CREB5: variants seen among roughly 807,000 people sequenced by gnomAD.
CREB5 encodes the protein cAMP responsive element binding protein 5, also known as cyclic AMP-responsive element-binding protein 5.
CREB5 carries 19 observed loss-of-function variants against 57.1 expected under a neutral mutation model. The ratio of observed to expected loss-of-function variants is 0.33; its 90% CI spans 0.23 to 0.49. The LOEUF is 0.49. Among genes scored for constraint, CREB5 ranks in the 20% least tolerant of loss-of-function variants. CREB5 has a pLI of 0.99. For synonymous variants in CREB5, 238 were observed against 238.3 expected (o/e 1.00, Z 0.01); for missense variants, 579 against 671.6 (o/e 0.86, Z 1.52).
chr7:28,586,822 C>T lies in CREB5; in HGVS notation c.464+16285C>T, dbSNP rs569181171. On this transcript the variant is annotated intron_variant, in intron 5 of 10. Transcript: ENST00000357727. ...AGTGAGAAAGAATGGGACGTCCCAG[C>T]GTGGCCTCAGGGCATGTTTGTCCAT... Among the ~76,000 whole-genome samples the T allele has an allele frequency of 5.0e-4, 76 of 152,358 alleles. No homozygotes were observed. The South Asian group carries it at 0.012, about 24-fold the overall frequency.
intron 1 of CREB5, among the ~76,000 whole-genome samples, chr7:28,458,943 C>T (rs1790229863): frequency 6.6e-6 from 1 of 152,154 alleles, no homozygotes; most frequent in South Asian, 2.1e-4. Context: ...GTGGGCCTGG[C>T]CTGTATTGCT....
chr7:28,573,617 C>G (rs1266224899), intron 5 of CREB5, among the ~76,000 whole-genome samples: 1 of 152,326 alleles, frequency 6.6e-6, no homozygotes, highest in East Asian at 1.9e-4. Context: ...GCAGGCAACC[C>G]CAAGTTTTCG....
chr7:28,693,090 GT>G, intron 5 of CREB5, among the ~76,000 whole-genome samples: 1 of 152,256 alleles, frequency 6.6e-6, no homozygotes, highest in South Asian at 2.1e-4. Flanking sequence ...TAGCAACAAA[GT>G]CTTTCTTTCT....
At chr7:28,803,482 G>A (rs1403623848) in intron 7 of CREB5, among the ~76,000 whole-genome samples, 4 of 152,152 alleles carry the variant, frequency 2.6e-5, no homozygotes, top group Non-Finnish European at 4.4e-5. Context: ...TGGCTGGCCG[G>A]GCACGGTGGC....
chr7:28,480,582 G>A (rs1327194784), intron 1 of CREB5, among the ~76,000 whole-genome samples: 1 of 152,178 alleles, frequency 6.6e-6, no homozygotes, highest in East Asian at 1.9e-4. Context: ...TGTTTTCTGA[G>A]GTTATATGTT....
At chr7:28,602,125 A>T (rs946470943) in intron 5 of CREB5, among the ~76,000 whole-genome samples, 1 of 139,026 alleles carries the variant, frequency 7.2e-6, no homozygotes, top group African/African-American at 3.4e-5. Flanking sequence ...GGGCTATTTT[A>T]TTTATTTATT....
In CREB5 at chr7:28,819,580, T is replaced by C. The variant is rs1464518152; in HGVS notation, c.*301T>C. ...TCTGTATATAGCCATGGTTTCATTC[T>C]TATCAGTCCAACCCTTTGCCTGAAA... On this transcript the variant is annotated 3_prime_UTR_variant, in exon 11 of 11. Coordinates refer to ENST00000357727, the MANE Select transcript of CREB5 (RefSeq NM_182898.4). 3.8e-6 allele frequency: 1 copy of C among 262,944 alleles called. No individual in the cohort carries two copies. The highest frequency in any genetic ancestry group is 2.2e-5 in the African/African-American group (1 of 44,682). 16.3% of individuals were successfully genotyped at this position (262,944 alleles called of 1,614,324 possible).
At chr7:28,717,086 C>CTTTTTTTTTTTTTTTTTT (rs5883165) in intron 5 of CREB5, among the ~76,000 whole-genome samples, 2 of 110,248 alleles carry the variant, frequency 1.8e-5, no homozygotes, top group African/African-American at 7.1e-5. Context: ...GCTTTATATT[C>CTTTTTTTTTTTTTTTTTT]TTTTTTTTTT....
rs146531335 is a variant in CREB5 at position 28,628,013 on chromosome 7, C to T, written c.464+57476C>T. Among the ~76,000 whole-genome samples the T allele has an allele frequency of 3.1e-3, 466 of 152,184 alleles. 1 individual carries two copies. The highest frequency in any genetic ancestry group is 9.4e-3 in the African/African-American group (389 of 41,530). ...AAATATCCTGATCTACCCACTATCA[C>T]GCAGCAGTAATGCCTCTCTTTTCCA... On this transcript the variant is annotated intron_variant, in intron 5 of 10. Coordinates refer to ENST00000357727, the MANE Select transcript of CREB5 (RefSeq NM_182898.4).
At chr7:28,625,898 A>G (rs1480215141) in intron 5 of CREB5, among the ~76,000 whole-genome samples, 1 of 152,212 alleles carries the variant, frequency 6.6e-6, no homozygotes, top group Non-Finnish European at 1.5e-5. Context: ...ATAATAGTAC[A>G]TGCATTTTAG....
chr7:28,797,862 A>G (rs1056323956), intron 7 of CREB5, among the ~76,000 whole-genome samples: 2 of 152,182 alleles, frequency 1.3e-5, no homozygotes, highest in African/African-American at 4.8e-5. Flanking sequence ...AATGAAGTGA[A>G]GGCTTCATGC....
intron 1 of CREB5, among the ~76,000 whole-genome samples, chr7:28,401,693 G>C (rs570800835): frequency 1.3e-5 from 2 of 152,258 alleles, no homozygotes; most frequent in South Asian, 4.2e-4. Context: ...ATAGTTTGCT[G>C]AGAATGATGG....
chr7:28,814,345 A>G (rs1018868101), intron 9 of CREB5, among the ~76,000 whole-genome samples: 1 of 152,204 alleles, frequency 6.6e-6, no homozygotes, highest in African/African-American at 2.4e-5. Context: ...ACCTTTCTTA[A>G]GCCAAAGGCC....
intron 2 of CREB5, among the ~76,000 whole-genome samples, chr7:28,494,220 A>G (rs1255680023): frequency 2.0e-5 from 3 of 152,208 alleles, no homozygotes; most frequent in Middle Eastern, 3.2e-3. Context: ...TGTTTTGCAC[A>G]TGGTTTTCTC....
intron 7 of CREB5, among the ~76,000 whole-genome samples, chr7:28,768,526 G>T (rs1806129058): frequency 6.6e-6 from 1 of 152,224 alleles, no homozygotes; most frequent in South Asian, 2.1e-4. Flanking sequence ...CAGGAAAACA[G>T]ATCTTACCTT....
At chr7:28,734,206 C>CAAAAAAAAAAAAAAAAA (rs61403862) in intron 7 of CREB5, among the ~76,000 whole-genome samples, 4 of 96,444 alleles carry the variant, frequency 4.1e-5, no homozygotes, top group East Asian at 4.1e-4. Context: ...TTCAGTAGTT[C>CAAAAAAAAAAAAAAAAA]AAAAAAAAAA....
intron 5 of CREB5, among the ~76,000 whole-genome samples, chr7:28,587,494 G>A (rs1035806513): frequency 1.4e-5 from 2 of 145,822 alleles, no homozygotes; most frequent in East Asian, 2.2e-4. Flanking sequence ...AGGATTCTTC[G>A]GGAGTTAAAA....
intron 5 of CREB5, among the ~76,000 whole-genome samples, chr7:28,575,237 G>A (rs1019534546): frequency 2.0e-5 from 3 of 152,198 alleles, no homozygotes; most frequent in African/African-American, 7.2e-5. Context: ...GCAATGCTAC[G>A]AGTCATGTGG....
intron 4 of CREB5, chr7:28,513,473 A>G (rs1446645840): frequency 6.6e-6 from 1 of 151,584 alleles, no homozygotes; most frequent in East Asian, 1.9e-4. Flanking sequence ...GCATGACTGA[A>G]AGGAAACACT....
Sources: allele counts gnomAD v4.1 joint callset (sites outside exome capture counted in the v4.1 genomes callset), GRCh38; gene constraint gnomAD v4.1.1; transcripts MANE v1.5; gene names NCBI Gene and HGNC (gene_info 2026-07-23, HGNC 2026-07-21).